The following NFAM1 variants were observed in gnomAD, a reference collection of about 807,000 sequenced individuals.
The protein encoded by NFAM1 is NFAT activating protein with ITAM motif 1, also known as NFAT activation molecule 1.
In NFAM1, 17 loss-of-function variants were observed where a neutral mutation model predicts 29.0. That is an observed-to-expected ratio of 0.59 (90% CI 0.40 to 0.88). NFAM1 has a LOEUF of 0.88. Among genes scored for constraint, NFAM1 ranks in the 40% least tolerant of loss-of-function variants. The pLI, the probability that NFAM1 is intolerant of heterozygous loss-of-function variation, is 0.00. For synonymous variants in NFAM1, 175 were observed against 147.2 expected (o/e 1.19, Z -1.36); for missense variants, 324 against 344.6 (o/e 0.94, Z 0.47).
chr22:42,389,776 G>A (rs1929272915), intron 4 of NFAM1, among the ~76,000 whole-genome samples: 1 of 152,154 alleles, frequency 6.6e-6, no homozygotes, highest in Admixed American at 6.5e-5. Context: ...GTGGGCAATG[G>A]TGCTGACCCC....
At chr22:42,412,531 C>G (rs1156743194) in intron 1 of NFAM1, among the ~76,000 whole-genome samples, 2 of 152,232 alleles carry the variant, frequency 1.3e-5, no homozygotes, top group Admixed American at 6.5e-5. Context: ...AACCCCTCTT[C>G]TTCCCAAAGG....
intron 1 of NFAM1, among the ~76,000 whole-genome samples, chr22:42,431,771 G>A (rs1930804131): frequency 6.7e-6 from 1 of 150,350 alleles, no homozygotes; most frequent in East Asian, 2.0e-4. Context: ...GGCTGGCCCT[G>A]GTATCCCCCC....
intron 1 of NFAM1, among the ~76,000 whole-genome samples, chr22:42,427,910 G>A (rs4822129): frequency 0.17 from 25,617 of 152,200 alleles, 2,790 homozygotes; most frequent in Admixed American, 0.32. Context: ...GGCAGTGTCT[G>A]TGGGGCGAGG....
intron 4 of NFAM1, among the ~76,000 whole-genome samples, chr22:42,391,945 C>CAAA (rs58006775): frequency 9.4e-4 from 65 of 68,876 alleles, no homozygotes; most frequent in African/African-American, 2.5e-3. Context: ...GACTCTGTCT[C>CAAA]AAAAAAAAAA....
At chr22:42,386,923 C>T (rs1467876686) in intron 5 of NFAM1, 66 bp downstream of exon 5, 2 of 875,726 alleles carry the variant, frequency 2.3e-6, no homozygotes, top group Admixed American at 2.7e-5. Context: ...TGCCCCCCCA[C>T]TTCACCAGTG....
At chr22:42,430,452 C>A (rs997162674) in intron 1 of NFAM1, among the ~76,000 whole-genome samples, 1 of 149,636 alleles carries the variant, frequency 6.7e-6, no homozygotes, top group South Asian at 2.1e-4. Flanking sequence ...GCCAGCTACT[C>A]GTGAGGCTGA....
At chr22:42,417,974 C>A (rs1192926642) in intron 1 of NFAM1, among the ~76,000 whole-genome samples, 4 of 152,220 alleles carry the variant, frequency 2.6e-5, no homozygotes, top group Non-Finnish European at 5.9e-5. Flanking sequence ...CTGGGCAGCG[C>A]CGTGGATCCC....
chr22:42,410,275 C>A, intron 2 of NFAM1: 2 of 250,932 alleles, frequency 8.0e-6, no homozygotes, highest in Non-Finnish European at 1.6e-5. Context: ...GCCCCCAGCT[C>A]CTTCCAGGGG....
At chr22:42,412,098 A>G (rs1274734951) in intron 1 of NFAM1, among the ~76,000 whole-genome samples, 1 of 152,088 alleles carries the variant, frequency 6.6e-6, no homozygotes, top group Non-Finnish European at 1.5e-5. Flanking sequence ...CAGGTGTGGT[A>G]GTGTATGCCT....
rs1045006725 is a variant in NFAM1 at position 42,419,094 on chromosome 22, A to G, written c.122-7358T>C. On this transcript the variant is annotated intron_variant, in intron 1 of 5. Coordinates refer to ENST00000329021, the MANE Select transcript of NFAM1 (RefSeq NM_145912.8). This position sits in a 1 kb window ranked among gnomAD's most constrained non-coding sequence, Gnocchi z 4.5. ...TCCTCCCACACCTGGCGCGGGGACC[A>G]CATGCCGAGTGAGTCCCTGGCGGGG... Among the ~76,000 whole-genome samples, 3 of 152,180 alleles carry G rather than the reference A, an allele frequency of 2.0e-5. No individual in the cohort carries two copies. Among genetic ancestry groups the G allele is most frequent in the South Asian group, 4.1e-4 (2 of 4,830 alleles).
At chr22:42,421,795 C>T (rs1205483162) in intron 1 of NFAM1, among the ~76,000 whole-genome samples, 2 of 152,228 alleles carry the variant, frequency 1.3e-5, no homozygotes, top group Non-Finnish European at 2.9e-5. Flanking sequence ...TTATTTTAGG[C>T]ATGGGGTTTG....
At chr22:42,410,748 G>A (rs535690501) in intron 2 of NFAM1, among the ~76,000 whole-genome samples, 5 of 151,578 alleles carry the variant, frequency 3.3e-5, no homozygotes, top group Admixed American at 6.6e-5. Flanking sequence ...TCACATACAC[G>A]AGGCCCCCAC....
rs558926892 is a variant in NFAM1, at chr22:42,385,016, C to G, written c.*145G>C. The G allele has an allele frequency of 6.9e-6, 5 of 725,638 alleles. No homozygotes were observed. The East Asian group carries it at 9.8e-5, about 14-fold the overall frequency. 44.9% of individuals were successfully genotyped at this position (725,638 alleles called of 1,614,324 possible). A position where few individuals can be genotyped will look rare whatever the true frequency, so the allele number is the denominator to read the frequency against. ...AGAATGGGGGGGCAGTGGGGCCGGC[C>G]AAGACAGGAAGGGCCTTGAATGTGA... On this transcript the variant is annotated 3_prime_UTR_variant, in exon 6 of 6. Transcript: ENST00000329021.
intron 4 of NFAM1, among the ~76,000 whole-genome samples, chr22:42,390,726 A>G (rs1929306389): frequency 6.6e-6 from 1 of 150,676 alleles, no homozygotes; most frequent in South Asian, 2.1e-4. Context: ...CTGAGGCAGG[A>G]GAATCACTTG....
chr22:42,399,216 T>A (rs1362917469), intron 3 of NFAM1, among the ~76,000 whole-genome samples: 4 of 150,514 alleles, frequency 2.7e-5, no homozygotes, highest in African/African-American at 9.8e-5. Context: ...GGAGGCCGAG[T>A]CGGGTGGATC....
rs1277772629 is a variant in NFAM1, at chr22:42,419,502, C to T, written c.122-7766G>A. Among the ~76,000 whole-genome samples the T allele has an allele frequency of 2.6e-5, 4 of 152,318 alleles. No individual in the cohort carries two copies. Among genetic ancestry groups the T allele is most frequent in the South Asian group, 4.1e-4 (2 of 4,830 alleles). ...ATACAATTGGGTTCAGACAGGGTCACGCTAAAACATGCATCTCTTAACTTT... is the reference window on the plus strand; with the variant it reads ...ATACAATTGGGTTCAGACAGGGTCATGCTAAAACATGCATCTCTTAACTTT... On this transcript the variant is annotated intron_variant, in intron 1 of 5. Coordinates refer to ENST00000329021, the MANE Select transcript of NFAM1 (RefSeq NM_145912.8). The surrounding 1 kb of genome is among the most constrained non-coding windows in gnomAD (Gnocchi z 4.5).
Position 42,384,036 on chromosome 22 carries a change from C to A in NFAM1, c.*1125G>T, listed in dbSNP as rs1929050606. The A allele has an allele frequency of 6.5e-6, 1 of 152,776 alleles. No homozygotes were observed. Among genetic ancestry groups the A allele is most frequent in the Non-Finnish European group, 1.5e-5 (1 of 68,138 alleles). 9.5% of individuals were successfully genotyped at this position (152,776 alleles called of 1,614,324 possible). A position where few individuals can be genotyped will look rare whatever the true frequency, so the allele number is the denominator to read the frequency against. On this transcript the variant is annotated 3_prime_UTR_variant, in exon 6 of 6. Coordinates refer to ENST00000329021, the MANE Select transcript of NFAM1 (RefSeq NM_145912.8). ...GGGCCAGGCACTGGGGAGCCACTGT[C>A]CCCATGGGGCTTGAGCTTCTGCCTC...
rs972821394 is a variant in NFAM1 at position 42,388,392 on chromosome 22, A to T, written c.664-1314T>A. ...TTAATAAACTGCTGTTGAATGGTCA[A>T]GAGAAGCATGAGGCCTGCCCACCTC... On this transcript the variant is annotated intron_variant, in intron 4 of 5. Coordinates refer to ENST00000329021, the MANE Select transcript of NFAM1 (RefSeq NM_145912.8). This position sits in a 1 kb window ranked among gnomAD's most constrained non-coding sequence, Gnocchi z 4.1. Among the ~76,000 whole-genome samples the T allele has an allele frequency of 6.6e-6, 1 of 152,360 alleles. No homozygotes were observed. Among genetic ancestry groups the T allele is most frequent in the African/African-American group, 2.4e-5 (1 of 41,584 alleles).
intron 1 of NFAM1, among the ~76,000 whole-genome samples, chr22:42,414,707 C>G (rs143702664): frequency 2.0e-5 from 3 of 151,954 alleles, no homozygotes; most frequent in Non-Finnish European, 4.4e-5. Context: ...GTGGCCCCCT[C>G]GACCTGTGAC....
Sources: gnomAD v4.1 joint callset for allele counts (sites outside exome capture counted in the v4.1 genomes callset) on GRCh38, gnomAD v4.1.1 for gene constraint, Gnocchi (gnomAD v3.1) non-coding constraint, MANE v1.5 for transcripts, NCBI Gene and HGNC (gene_info 2026-07-23, HGNC 2026-07-21) for gene names.